DOCK8: variants seen among roughly 807,000 people sequenced by gnomAD.
DOCK8 encodes dedicator of cytokinesis 8.
In DOCK8, 141 loss-of-function variants were observed where a neutral mutation model predicts 245.6. The ratio of observed to expected loss-of-function variants is 0.57; its 90% CI spans 0.50 to 0.66. The LOEUF is 0.66. Ranked by LOEUF, DOCK8 falls within the 30% of genes least tolerant of loss-of-function variation. The pLI is 0.00. For missense variants in DOCK8, 2,965 were observed against 2,603.4 expected (o/e 1.14, Z -3.02); for synonymous variants, 1,168 against 970.2 (o/e 1.20, Z -3.79).
intron 37 of DOCK8, among the ~76,000 whole-genome samples, chr9:433,326 C>T (rs1434815892): frequency 6.6e-6 from 1 of 152,202 alleles, no homozygotes; most frequent in Non-Finnish European, 1.5e-5. Flanking sequence ...CATTCTGTGG[C>T]TGAGTTACCT....
At chr9:452,617 A>G (rs1346471896) in intron 46 of DOCK8, 2 of 152,976 alleles carry the variant, frequency 1.3e-5, no homozygotes, top group African/African-American at 4.8e-5. Context: ...CTGATGCACT[A>G]GAGTCCCAGA....
chr9:251,846 G>A (rs1431488196), intron 1 of DOCK8, among the ~76,000 whole-genome samples: 1 of 152,072 alleles, frequency 6.6e-6, no homozygotes, highest in Non-Finnish European at 1.5e-5. Flanking sequence ...AGGTTATAAG[G>A]ATTAAAGATA....
intron 2 of DOCK8, among the ~76,000 whole-genome samples, chr9:281,337 A>G (rs988578795): frequency 6.6e-6 from 1 of 152,202 alleles, no homozygotes; most frequent in Non-Finnish European, 1.5e-5. Flanking sequence ...CTGAAAAATC[A>G]TGACATAAAG....
At chr9:275,931 C>T (rs1474852626) in intron 2 of DOCK8, among the ~76,000 whole-genome samples, 2 of 150,580 alleles carry the variant, frequency 1.3e-5, no homozygotes, top group East Asian at 1.9e-4. Flanking sequence ...CCCTCTGTCA[C>T]CCAGGCTGGA....
At position 282,040 on chromosome 9, in the gene DOCK8, G is replaced by A. The variant is rs552414342; in HGVS notation, c.157-4421G>A. Among the ~76,000 whole-genome samples, 39 of 152,304 alleles carry A rather than the reference G, an allele frequency of 2.6e-4. No homozygotes were observed. The South Asian group carries it at 7.7e-3, about 30-fold the overall frequency. ...AGTTTATGACTTTATCATCAACTGGGTGTGTTGCCCTTGGCACATTGCCAC... is the reference window on the plus strand; with the variant it reads ...AGTTTATGACTTTATCATCAACTGGATGTGTTGCCCTTGGCACATTGCCAC... On this transcript the variant is annotated intron_variant, in intron 2 of 47. Transcript: ENST00000432829.
chr9:346,587 G>A (rs1226767512), intron 14 of DOCK8, among the ~76,000 whole-genome samples: 1 of 151,992 alleles, frequency 6.6e-6, no homozygotes, highest in African/African-American at 2.4e-5. Flanking sequence ...GACTTGCTGT[G>A]GAGGACGGTG....
chr9:322,862 G>A (rs1406217369), intron 7 of DOCK8, among the ~76,000 whole-genome samples: 3 of 152,132 alleles, frequency 2.0e-5, no homozygotes, highest in Admixed American at 1.3e-4. Context: ...GGAGGCTGAG[G>A]CAGGTGAGTC....
Position 237,096 on chromosome 9 carries a change from A to G in DOCK8, c.53+22067A>G, listed in dbSNP as rs556918085. ...GGGGACAGCTAGCCTTCTGTGCCAC[A>G]AAAGCCCAGTCACAAAGAAAAAGCC... On this transcript the variant is annotated intron_variant, in intron 1 of 47. Transcript: ENST00000432829. Among the ~76,000 whole-genome samples the G allele has an allele frequency of 3.2e-4, 49 of 152,368 alleles. 1 individual carries two copies. The highest frequency in any genetic ancestry group is 1.2e-3 in the African/African-American group (48 of 41,600).
chr9:285,609 G>A (rs2048790397), intron 2 of DOCK8, among the ~76,000 whole-genome samples: 1 of 152,086 alleles, frequency 6.6e-6, no homozygotes, highest in East Asian at 1.9e-4. Flanking sequence ...TAAGTCTTTG[G>A]ATTTCACAGA....
At chr9:224,171 T>C (rs1168094089) in intron 1 of DOCK8, among the ~76,000 whole-genome samples, 1 of 152,214 alleles carries the variant, frequency 6.6e-6, no homozygotes, top group Non-Finnish European at 1.5e-5. Context: ...AACGGTTATT[T>C]AGAACTGTTC....
chr9:296,612 A>C (rs2049268708), intron 4 of DOCK8, among the ~76,000 whole-genome samples: 1 of 152,254 alleles, frequency 6.6e-6, no homozygotes, highest in Non-Finnish European at 1.5e-5. Flanking sequence ...ATTAAAATTC[A>C]AACACATCAG....
chr9:289,984 C>A (rs922981536), intron 4 of DOCK8, among the ~76,000 whole-genome samples: 4 of 152,208 alleles, frequency 2.6e-5, no homozygotes, highest in Non-Finnish European at 5.9e-5. Context: ...ATCCTCCCTC[C>A]CTGGCAACCA....
At chr9:308,648 C>G (rs966684821) in intron 5 of DOCK8, among the ~76,000 whole-genome samples, 6 of 152,108 alleles carry the variant, frequency 3.9e-5, no homozygotes, top group Non-Finnish European at 5.9e-5. Flanking sequence ...TCTTTCTCTT[C>G]CAATTAATAC....
chr9:289,580 A>G lies in DOCK8; in HGVS notation c.403A>G (p.Lys135Glu). 1 of 1,609,782 alleles carries G rather than the reference A, an allele frequency of 6.2e-7. No individual in the cohort carries two copies. The highest frequency in any genetic ancestry group is 8.5e-7 in the Non-Finnish European group (1 of 1,178,004). ...CCGTGAGTGGCTAATCGTGAACCGGAAGTAAGTTACTTTTTTTCCACTTTT... is the reference window on the plus strand; with the variant it reads ...CCGTGAGTGGCTAATCGTGAACCGGGAGTAAGTTACTTTTTTTCCACTTTT... Reference protein sequence around the residue: ...YIREWLIVNRKNQGSPEICGF... With the variant: ...YIREWLIVNRENQGSPEICGF... Residue 135 changes from lysine (K) to glutamate (E), a missense_variant and splice_region_variant, in exon 4 of 48, where the codon AAA becomes GAA. Coordinates refer to ENST00000432829, the MANE Select transcript of DOCK8 (RefSeq NM_203447.4).
chr9:457,243 G>C (rs751922919), intron 46 of DOCK8, among the ~76,000 whole-genome samples: 13 of 152,032 alleles, frequency 8.6e-5, no homozygotes, highest in Non-Finnish European at 1.6e-4. Flanking sequence ...ACTCAAGCCA[G>C]ATTGCCTGAG....
At chr9:288,972 G>A in intron 3 of DOCK8, among the ~76,000 whole-genome samples, 1 of 152,190 alleles carries the variant, frequency 6.6e-6, no homozygotes, top group East Asian at 1.9e-4. Flanking sequence ...AGCACTTGAA[G>A]AGTATTGCTC....
chr9:404,588 T>G (rs1412053257), intron 26 of DOCK8, among the ~76,000 whole-genome samples: 1 of 152,202 alleles, frequency 6.6e-6, no homozygotes, highest in African/African-American at 2.4e-5. Context: ...GTAGAGTTTT[T>G]GTAAAATTAA....
At chr9:391,197 T>C (rs781453721) in intron 24 of DOCK8, among the ~76,000 whole-genome samples, 8 of 152,224 alleles carry the variant, frequency 5.3e-5, no homozygotes, top group African/African-American at 9.6e-5. Context: ...TTCTTCTCTG[T>C]AGATTTCAGC....
chr9:323,265 C>G (rs1362659113), intron 7 of DOCK8, among the ~76,000 whole-genome samples: 2 of 128,230 alleles, frequency 1.6e-5, no homozygotes, highest in African/African-American at 6.0e-5. Context: ...ACTCTATTGT[C>G]CAGGCTGGAG....
Sources: gnomAD v4.1 joint callset for allele counts (sites outside exome capture counted in the v4.1 genomes callset) on GRCh38, gnomAD v4.1.1 for gene constraint, MANE v1.5 for transcripts, NCBI Gene and HGNC (gene_info 2026-07-23, HGNC 2026-07-21) for gene names.